RANBP10: variants seen among roughly 807,000 people sequenced by gnomAD.
RANBP10 encodes ran-binding protein 10.
Under a neutral mutation model 72.8 loss-of-function variants are expected in RANBP10, and 24 were observed. The observed-to-expected ratio is 0.33, with a 90% CI of 0.24 to 0.46. The LOEUF (loss-of-function observed/expected upper bound fraction) is 0.46, where lower values mean the gene tolerates loss of function less well. Ranked by LOEUF, RANBP10 falls within the 20% of genes least tolerant of loss-of-function variation. The pLI is 1.00. For synonymous variants in RANBP10, 310 were observed against 322.3 expected (o/e 0.96, Z 0.41); for missense variants, 679 against 817.5 (o/e 0.83, Z 2.07).
At chr16:67,786,047 C>T (rs1358296998) in intron 2 of RANBP10, among the ~76,000 whole-genome samples, 1 of 151,560 alleles carries the variant, frequency 6.6e-6, no homozygotes, top group Non-Finnish European at 1.5e-5. Context: ...ATCAAGAGGC[C>T]AGGCATGGTA....
chr16:67,733,070 A>T (rs976294386), intron 6 of RANBP10, among the ~76,000 whole-genome samples: 55 of 150,236 alleles, frequency 3.7e-4, no homozygotes, highest in Non-Finnish European at 2.7e-4. Context: ...AAAAAAAAAA[A>T]AAAAAAATTA....
chr16:67,770,564 A>C (rs1385430382), intron 3 of RANBP10, among the ~76,000 whole-genome samples: 1 of 152,138 alleles, frequency 6.6e-6, no homozygotes, highest in African/African-American at 2.4e-5. Context: ...GGAGGCCAAG[A>C]AAAAAACACA....
intron 10 of RANBP10, 39 bp from the exon 11 acceptor site, chr16:67,728,550 T>C (rs1244587325): frequency 1.9e-5 from 30 of 1,612,856 alleles, no homozygotes; most frequent in Non-Finnish European, 2.5e-5. Context: ...GCCCAGGGGG[T>C]GTGGTTGGAG....
At chr16:67,799,743 C>T (rs1471792335) in intron 2 of RANBP10, among the ~76,000 whole-genome samples, 1 of 152,092 alleles carries the variant, frequency 6.6e-6, no homozygotes, top group Non-Finnish European at 1.5e-5. Flanking sequence ...GTCCATCCTC[C>T]AGGCCACCCC....
At chr16:67,798,035 A>G (rs188654046) in intron 2 of RANBP10, among the ~76,000 whole-genome samples, 1 of 150,636 alleles carries the variant, frequency 6.6e-6, no homozygotes, top group Non-Finnish European at 1.5e-5. Flanking sequence ...GCCACCATCT[A>G]GACTCCAGTT....
At chr16:67,762,412 A>C (rs8051587) in intron 3 of RANBP10, 45,511 of 152,148 alleles carry the variant, frequency 0.3, 10,255 homozygotes, top group African/African-American at 0.63. Context: ...GAGGGGGAAA[A>C]TGAGGCAGAG....
At chr16:67,789,205 G>A (rs1210352763) in intron 2 of RANBP10, among the ~76,000 whole-genome samples, 1 of 150,540 alleles carries the variant, frequency 6.6e-6, no homozygotes, top group Non-Finnish European at 1.5e-5. Flanking sequence ...AGCTAGTCAG[G>A]AGGCTGAGGC....
At chr16:67,779,014 G>A (rs946179960) in intron 2 of RANBP10, among the ~76,000 whole-genome samples, 2 of 152,078 alleles carry the variant, frequency 1.3e-5, no homozygotes, top group African/African-American at 4.8e-5. Context: ...CACAGCTTGA[G>A]GCCCAGGAAG....
intron 5 of RANBP10, among the ~76,000 whole-genome samples, chr16:67,737,130 A>T (rs1597834440): frequency 8.1e-6 from 1 of 124,146 alleles, no homozygotes; most frequent in Non-Finnish European, 1.7e-5. Context: ...CAAGCAGAAA[A>T]CTCCATCCTT....
chr16:67,799,870 C>T (rs180911881), intron 2 of RANBP10, among the ~76,000 whole-genome samples: 1 of 152,180 alleles, frequency 6.6e-6, no homozygotes, highest in East Asian at 1.9e-4. Context: ...CACCTGTAAT[C>T]CTAGCACTTT....
chr16:67,752,043 A>C (rs970340462), intron 3 of RANBP10, among the ~76,000 whole-genome samples: 1 of 152,120 alleles, frequency 6.6e-6, no homozygotes, highest in Non-Finnish European at 1.5e-5. Context: ...AAAAGAGATA[A>C]GTTTTCTGCT....
chr16:67,755,501 T>C (rs2054269861), intron 3 of RANBP10, among the ~76,000 whole-genome samples: 2 of 152,088 alleles, frequency 1.3e-5, no homozygotes, highest in South Asian at 4.2e-4. Context: ...CTGGCCAAGA[T>C]GGCGAAACCC....
chr16:67,762,829 C>T (rs573591705), intron 3 of RANBP10, among the ~76,000 whole-genome samples: 2 of 152,324 alleles, frequency 1.3e-5, no homozygotes, highest in African/African-American at 2.4e-5. Context: ...GTGCATGATG[C>T]CAGGTGCTGT....
chr16:67,763,304 C>T (rs942704547), intron 3 of RANBP10: 2 of 152,370 alleles, frequency 1.3e-5, no homozygotes, highest in African/African-American at 4.8e-5. Context: ...AGCAGCAGAA[C>T]CACGGCTGAG....
At chr16:67,787,756 C>G (rs1373067670) in intron 2 of RANBP10, among the ~76,000 whole-genome samples, 1 of 151,986 alleles carries the variant, frequency 6.6e-6, no homozygotes, top group East Asian at 1.9e-4. Context: ...AATCCCAGCA[C>G]GTTGGGAGGC....
intron 2 of RANBP10, among the ~76,000 whole-genome samples, chr16:67,787,885 T>C (rs974342035): frequency 3.3e-5 from 5 of 151,994 alleles, no homozygotes; most frequent in Middle Eastern, 3.4e-3. Flanking sequence ...GTTGCCCAGG[T>C]TGGAGTGCAG....
In RANBP10 at chr16:67,788,397, C is replaced by T. The variant is rs542045872; in HGVS notation, c.348-16311G>A. 4.0e-5 allele frequency among the ~76,000 whole-genome samples: 6 copies of T among 151,438 alleles called. No homozygotes were observed. In the East Asian group the frequency reaches 7.9e-4, roughly 20 times the overall value. ...CCTCTCGAGTAGCTGGGACTATAGGCGCCCGCCACCATGCCCGGCTAATTT... is the reference window on the plus strand; with the variant it reads ...CCTCTCGAGTAGCTGGGACTATAGGTGCCCGCCACCATGCCCGGCTAATTT... On this transcript the variant is annotated intron_variant, in intron 2 of 13. Transcript: ENST00000317506.
intron 2 of RANBP10, among the ~76,000 whole-genome samples, chr16:67,797,934 G>A (rs1340741193): frequency 3.4e-5 from 5 of 148,388 alleles, no homozygotes; most frequent in Non-Finnish European, 5.9e-5. Flanking sequence ...AGGCTGCAGT[G>A]AGCCATGATT....
chr16:67,764,475 T>C (rs1157603035), intron 3 of RANBP10, among the ~76,000 whole-genome samples: 1 of 152,056 alleles, frequency 6.6e-6, no homozygotes, highest in Admixed American at 6.6e-5. Context: ...AGTAATAAAA[T>C]GGCCATTGCC....
Sources: gnomAD v4.1 joint callset for allele counts (sites outside exome capture counted in the v4.1 genomes callset) on GRCh38, gnomAD v4.1.1 for gene constraint, MANE v1.5 for transcripts, NCBI Gene and HGNC (gene_info 2026-07-23, HGNC 2026-07-21) for gene names.